BDKRB2: variants seen among roughly 807,000 people sequenced by gnomAD.
The protein encoded by BDKRB2 is bradykinin receptor B2.
BDKRB2 carries 6 observed loss-of-function variants against 4.0 expected under a neutral mutation model. The ratio of observed to expected loss-of-function variants is 1.49; its 90% confidence interval spans 0.81 to 2.93. The LOEUF (loss-of-function observed/expected upper bound fraction) is 2.93, where lower values mean the gene tolerates loss of function less well. BDKRB2 is among the 30% of genes most tolerant of loss of function. BDKRB2 has a pLI of 0.00. For missense variants in BDKRB2, 478 were observed against 520.1 expected (o/e 0.92, Z 0.79); for synonymous variants, 225 against 215.3 (o/e 1.05, Z -0.40).
At chr14:96,222,547 G>A (rs117832860) in intron 1 of BDKRB2, among the ~76,000 whole-genome samples, 31 of 151,954 alleles carry the variant, frequency 2.0e-4, no homozygotes, top group African/African-American at 2.9e-4. Context: ...TAGGAGCTCC[G>A]TGTCAGGAAC....
chr14:96,231,148 C>T (rs190503134), intron 1 of BDKRB2, among the ~76,000 whole-genome samples: 2 of 152,344 alleles, frequency 1.3e-5, no homozygotes, highest in African/African-American at 2.4e-5. Flanking sequence ...GCCAGGCCGG[C>T]AGGCCTCCTC....
At position 96,242,953 on chromosome 14, in the gene BDKRB2, T is replaced by A. The variant is rs1885333970; in HGVS notation, c.*1449T>A. 1 of 147,874 alleles carries A rather than the reference T, an allele frequency of 6.8e-6. No individual in the cohort carries two copies. Among genetic ancestry groups the A allele is most frequent in the East Asian group, 1.9e-4 (1 of 5,210 alleles). The allele number at this position is 147,874 out of a possible 1,614,324, so 9.2% of individuals were successfully genotyped here. On this transcript the variant is annotated 3_prime_UTR_variant, in exon 3 of 3. Coordinates refer to ENST00000554311, the MANE Select transcript of BDKRB2 (RefSeq NM_001379692.1). Reference sequence around the variant, plus strand: ...ACTCATTCACTTGATAAATGAATATTTATTAGCTGGTTGGAGAGCTAGAAC... The same window carrying A: ...ACTCATTCACTTGATAAATGAATATATATTAGCTGGTTGGAGAGCTAGAAC...
chr14:96,226,036 C>A (rs1471741993), intron 1 of BDKRB2, among the ~76,000 whole-genome samples: 2 of 152,186 alleles, frequency 1.3e-5, no homozygotes, highest in African/African-American at 4.8e-5. Flanking sequence ...CTGAGCTGTT[C>A]CTTAGGAATT....
Position 96,232,749 on chromosome 14 carries a change from C to G in BDKRB2, c.-39-4320C>G, listed in dbSNP as rs1354110585. The stretch of plus-strand genomic sequence containing the variant: ...GCTGAGACGTTCTTGTTGGCCTAAT[C>G]AGGAGGAACGACTAGATTATTCAAT... On this transcript the variant is annotated intron_variant, in intron 1 of 2. Transcript: ENST00000554311. Among the ~76,000 whole-genome samples, 2 of 152,180 alleles carry G rather than the reference C, an allele frequency of 1.3e-5. 1 individual carries two copies. The highest frequency in any genetic ancestry group is 4.1e-4 in the South Asian group (2 of 4,822).
intron 1 of BDKRB2, among the ~76,000 whole-genome samples, chr14:96,235,675 G>C (rs1183627124): frequency 2.6e-5 from 4 of 152,180 alleles, no homozygotes; most frequent in African/African-American, 9.7e-5. Context: ...ACCGTTGTCT[G>C]ATCTCCACCT....
intron 1 of BDKRB2, among the ~76,000 whole-genome samples, chr14:96,225,459 T>A (rs1184189779): frequency 1.0e-5 from 1 of 97,022 alleles, no homozygotes; most frequent in Non-Finnish European, 2.1e-5. Context: ...ATATCCTAAT[T>A]TTTTTTTTGG....
chr14:96,227,150 G>A (rs895421213), intron 1 of BDKRB2, among the ~76,000 whole-genome samples: 16 of 152,332 alleles, frequency 1.1e-4, no homozygotes, highest in African/African-American at 3.8e-4. Flanking sequence ...GGGAGGTTGG[G>A]CATTTTCTTC....
intron 2 of BDKRB2, 80 bp from the exon 3 acceptor site, chr14:96,240,323 C>G: frequency 7.2e-7 from 1 of 1,387,438 alleles, no homozygotes; most frequent in East Asian, 2.6e-5. Context: ...TTGTCCTTAA[C>G]CCCTGTCTCC....
At chr14:96,239,033 G>A (rs1298466919) in intron 2 of BDKRB2, 2 of 985,360 alleles carry the variant, frequency 2.0e-6, no homozygotes, top group Non-Finnish European at 2.4e-6. Context: ...AGAAGCAAAC[G>A]GACTTTTCCT....
At chr14:96,223,233 A>G in intron 1 of BDKRB2, 2 of 1,087,248 alleles carry the variant, frequency 1.8e-6, no homozygotes, top group Non-Finnish European at 2.9e-6. Context: ...CTGAATCTGA[A>G]TGGAGGAATC....
chr14:96,208,945 G>A (rs984055611), intron 1 of BDKRB2, among the ~76,000 whole-genome samples: 5 of 152,180 alleles, frequency 3.3e-5, no homozygotes, highest in Non-Finnish European at 2.9e-5. Context: ...ACGCCCGTGG[G>A]GTGTTGTGAC....
In BDKRB2 at chr14:96,210,537, A is replaced by T. The variant is rs1890280810; in HGVS notation, c.-40+5578A>T. The stretch of plus-strand genomic sequence containing the variant: ...AGGCTTGGATTGCAGACCTCAAGTT[A>T]CAATTGATGTGTCCTTGTTTTGTGG... On this transcript the variant is annotated intron_variant, in intron 1 of 2. Coordinates refer to ENST00000554311, the MANE Select transcript of BDKRB2 (RefSeq NM_001379692.1). Among the ~76,000 whole-genome samples, 2 of 152,210 alleles carry T rather than the reference A, an allele frequency of 1.3e-5. 1 individual carries two copies. Among genetic ancestry groups the T allele is most frequent in the South Asian group, 4.1e-4 (2 of 4,826 alleles).
intron 2 of BDKRB2, chr14:96,239,914 G>T (rs1566696472): frequency 1.0e-6 from 1 of 985,986 alleles, no homozygotes; most frequent in East Asian, 1.1e-4. Flanking sequence ...CTAGGCAGAT[G>T]GGCTGGCCAT....
intron 1 of BDKRB2, among the ~76,000 whole-genome samples, chr14:96,229,153 T>C (rs768675619): frequency 1.3e-5 from 2 of 152,150 alleles, no homozygotes; most frequent in Non-Finnish European, 2.9e-5. Flanking sequence ...ACCTACTAGG[T>C]GTCAGGCACT....
intron 2 of BDKRB2, chr14:96,239,291 C>T (rs567749913): frequency 1.9e-4 from 182 of 972,160 alleles, no homozygotes; most frequent in African/African-American, 6.3e-4. Flanking sequence ...AAATGCAAAG[C>T]GATTCAGGAT....
intron 1 of BDKRB2, among the ~76,000 whole-genome samples, chr14:96,232,407 G>T (rs1308361132): frequency 6.6e-6 from 1 of 152,252 alleles, no homozygotes; most frequent in East Asian, 1.9e-4. Context: ...CCAGCTAGAG[G>T]CTTTCAGGCT....
Position 96,241,353 on chromosome 14 carries a change from A to T in BDKRB2, c.1025A>T (p.Lys342Met). The T allele has an allele frequency of 6.2e-7, 1 of 1,614,052 alleles. No homozygotes were observed. Among genetic ancestry groups the T allele is most frequent in the Non-Finnish European group, 8.5e-7 (1 of 1,180,008 alleles). Reference sequence around the variant, plus strand: ...ATCGTGGGCAAGCGCTTCCGAAAGAAGTCTTGGGAGGTGTACCAGGGAGTG... The same window carrying T: ...ATCGTGGGCAAGCGCTTCCGAAAGATGTCTTGGGAGGTGTACCAGGGAGTG... ...YVIVGKRFRKKSWEVYQGVCQ... is the reference protein window; with the variant it reads ...YVIVGKRFRKMSWEVYQGVCQ... The change falls in exon 3 of 3, where the codon AAG becomes ATG. Residue 342 changes from lysine (K) to methionine (M), a missense_variant. Coordinates refer to ENST00000554311, the MANE Select transcript of BDKRB2 (RefSeq NM_001379692.1).
chr14:96,220,961 G>C (rs1460698468), intron 1 of BDKRB2, among the ~76,000 whole-genome samples: 2 of 151,956 alleles, frequency 1.3e-5, no homozygotes, highest in African/African-American at 2.4e-5. Flanking sequence ...GACCCCTGAG[G>C]GCAGGCACCA....
At chr14:96,214,427 C>T (rs1363776699) in intron 1 of BDKRB2, among the ~76,000 whole-genome samples, 8 of 152,208 alleles carry the variant, frequency 5.3e-5, no homozygotes, top group African/African-American at 1.9e-4. Context: ...ACTGGATCCT[C>T]ACAACAGCCC....
Sources: allele counts gnomAD v4.1 joint callset (sites outside exome capture counted in the v4.1 genomes callset), GRCh38; gene constraint gnomAD v4.1.1; transcripts MANE v1.5; gene names NCBI Gene and HGNC (gene_info 2026-07-23, HGNC 2026-07-21).